CENPF: variants seen among roughly 807,000 people sequenced by gnomAD.
The protein encoded by CENPF is centromere protein F.
A neutral mutation model predicts 307.3 loss-of-function variants in CENPF; 214 were observed. The ratio of observed to expected loss-of-function variants is 0.70; its 90% CI spans 0.62 to 0.78. The LOEUF (loss-of-function observed/expected upper bound fraction) is 0.78. CENPF is among the 30% of genes least tolerant of loss of function. The probability of loss-of-function intolerance (pLI) is 0.00; values close to 1 mark genes in which losing one functional copy is unlikely to be tolerated. For synonymous variants in CENPF, 1,259 were observed against 1,270.6 expected (o/e 0.99, Z 0.19); for missense variants, 3,401 against 3,483.9 (o/e 0.98, Z 0.60).
At chr1:214,629,353 ATCTT>A (rs945658810) in intron 8 of CENPF, among the ~76,000 whole-genome samples, 182 bp downstream of exon 8, 7 of 152,098 alleles carry the variant, frequency 4.6e-5, no homozygotes, top group African/African-American at 1.7e-4. Flanking sequence ...CTTTTTTTAA[ATCTT>A]TCAGTTTTTG....
Position 214,641,434 on chromosome 1 carries a change from C to T in CENPF, c.3096C>T (p.Thr1032=), listed in dbSNP as rs769248739. ...TTTTACTACAAAGATGTGAAGAAACCGGAAATGCATATGAGGATCTTAGTC... is the reference window on the plus strand; with the variant it reads ...TTTTACTACAAAGATGTGAAGAAACTGGAAATGCATATGAGGATCTTAGTC... ...KLILLQRCEE[T]GNAYEDLSQK... Residue 1032 remains threonine, a synonymous_variant, in exon 12 of 20, where the codon ACC becomes ACT. Coordinates refer to ENST00000366955, the MANE Select transcript of CENPF (RefSeq NM_016343.4). 42 of 1,561,990 alleles carry T rather than the reference C, an allele frequency of 2.7e-5. No homozygotes were observed. Among genetic ancestry groups the T allele is most frequent in the African/African-American group, 5.6e-5 (4 of 71,980 alleles).
At chr1:214,632,414 G>GA in intron 9 of CENPF, 66 bp from the exon 10 acceptor site, 2 of 1,545,512 alleles carry the variant, frequency 1.3e-6, no homozygotes, top group Middle Eastern at 1.7e-4. Context: ...TATTGTTTAA[G>GA]AATACATGAT....
At chr1:214,619,341 C>G in intron 5 of CENPF, 121 bp downstream of exon 5, 1 of 529,046 alleles carries the variant, frequency 1.9e-6, no homozygotes. Context: ...TGTGTGTGTG[C>G]TGAGAAAAGG....
intron 19 of CENPF, among the ~76,000 whole-genome samples, chr1:214,661,437 G>T (rs1329986162): frequency 6.6e-6 from 1 of 152,198 alleles, no homozygotes; most frequent in Admixed American, 6.5e-5. Context: ...TCCCAAAGCA[G>T]TTGCTTAGAA....
At chr1:214,608,954 G>GC (rs974426415) in intron 1 of CENPF, 36 of 999,382 alleles carry the variant, frequency 3.6e-5, no homozygotes, top group Middle Eastern at 3.5e-4. Context: ...GGGGGAGGGC[G>GC]CCCCCCCAGC....
chr1:214,655,475 G>A, intron 17 of CENPF, 72 bp downstream of exon 17: 4 of 1,239,354 alleles, frequency 3.2e-6, no homozygotes, highest in Middle Eastern at 2.0e-4. Context: ...TGGTATGCGT[G>A]CATAGGAACT....
At position 214,632,464 on chromosome 1, in the gene CENPF, C is replaced by T. The variant is rs572630065; in HGVS notation, c.1324-16C>T. The T allele has an allele frequency of 1.2e-4, 197 of 1,605,290 alleles. No individual in the cohort carries two copies. Among genetic ancestry groups the T allele is most frequent in the Non-Finnish European group, 1.5e-4 (180 of 1,177,454 alleles). On this transcript the variant is annotated splice_polypyrimidine_tract_variant and intron_variant, in intron 9 of 19. Transcript: ENST00000366955. ...AGAACATGAAAATGAAACTTGGTCT[C>T]TTTTTCTTTTTGTAGCTCACATCAG...
intron 1 of CENPF, among the ~76,000 whole-genome samples, chr1:214,604,302 T>C (rs1241901313): frequency 3.3e-5 from 5 of 152,200 alleles, no homozygotes; most frequent in Admixed American, 3.3e-4. Flanking sequence ...ACAATAGTCC[T>C]GCAAGTCCTC....
At chr1:214,633,262 A>T (rs1418635905) in intron 10 of CENPF, among the ~76,000 whole-genome samples, 1 of 152,192 alleles carries the variant, frequency 6.6e-6, no homozygotes, top group Non-Finnish European at 1.5e-5. Context: ...AATGGCATGG[A>T]TGCCCTGATG....
At chr1:214,609,621 G>T (rs1236806115) in intron 1 of CENPF, among the ~76,000 whole-genome samples, 2 of 152,148 alleles carry the variant, frequency 1.3e-5, no homozygotes, top group African/African-American at 2.4e-5. Context: ...GGGTACACAT[G>T]CAGGTTTGTT....
intron 10 of CENPF, among the ~76,000 whole-genome samples, chr1:214,636,752 A>G (rs1657976699): frequency 6.6e-6 from 1 of 152,206 alleles, no homozygotes; most frequent in Admixed American, 6.5e-5. Context: ...TTTAAGATTC[A>G]GAATTTTTCC....
At chr1:214,631,576 T>G (rs888470887) in intron 9 of CENPF, among the ~76,000 whole-genome samples, 3 of 152,254 alleles carry the variant, frequency 2.0e-5, no homozygotes, top group Non-Finnish European at 4.4e-5. Context: ...CTCGGCTCAC[T>G]GCAACCTCAT....
chr1:214,616,835 C>CTCTTTCTTTCTTTCTT (rs201994176), intron 3 of CENPF, among the ~76,000 whole-genome samples: 8 of 68,566 alleles, frequency 1.2e-4, no homozygotes, highest in Admixed American at 5.5e-4. Context: ...TCCTTCCTTC[C>CTCTTTCTTTCTTTCTT]TCTTTCTTTC....
chr1:214,638,132 G>A (rs1396249770), intron 11 of CENPF, 131 bp downstream of exon 11: 6 of 939,940 alleles, frequency 6.4e-6, no homozygotes, highest in Non-Finnish European at 9.1e-6. Flanking sequence ...GATGTGCGCA[G>A]TTGATGTGGA....
In CENPF at chr1:214,641,238, G is replaced by A. The variant is rs1227328323; in HGVS notation, c.2900G>A (p.Arg967Lys). The change falls in exon 12 of 20, where the codon AGG (arginine) becomes AAG (lysine). Residue 967 changes from arginine to lysine, a missense_variant. By Grantham distance (26) the Arg-to-Lys change is conservative. Coordinates refer to ENST00000366955, the MANE Select transcript of CENPF (RefSeq NM_016343.4). Reference protein sequence around the residue: ...EMSSIISLNKREIEELTQENG... With the variant: ...EMSSIISLNKKEIEELTQENG... ...AGTTCCATCATTTCTCTAAATAAAA[G>A]GGAAATTGAAGAGCTGACCCAAGAG... 1.2e-6 allele frequency: 2 copies of A among 1,602,600 alleles called. No individual in the cohort carries two copies. The highest frequency in any genetic ancestry group is 1.1e-5 in the South Asian group (1 of 88,072).
Position 214,641,971 on chromosome 1 carries a change from G to A in CENPF, c.3633G>A (p.Val1211=), listed in dbSNP as rs772098569. The part of the protein sequence containing the change: ...ISLDSYNAQL[V]QLEAMLRNKE... ...TAGATAGTTATAATGCGCAGTTGGT[G>A]CAATTAGAAGCTATGCTAAGAAATA... Residue 1211 remains valine, a synonymous_variant, in exon 12 of 20, where the codon GTG becomes GTA. Transcript: ENST00000366955. The A allele has an allele frequency of 2.5e-6, 4 of 1,604,600 alleles. No homozygotes were observed. In the Admixed American group the frequency reaches 5.2e-5, roughly 21 times the overall value.
intron 5 of CENPF, 53 bp downstream of exon 5, chr1:214,619,273 T>G: frequency 1.1e-6 from 1 of 891,606 alleles, no homozygotes; most frequent in Non-Finnish European, 1.8e-6. Flanking sequence ...AATACTTTGA[T>G]ATAGAATAGA....
chr1:214,627,507 G>C (rs945174088), intron 7 of CENPF, among the ~76,000 whole-genome samples: 1 of 151,218 alleles, frequency 6.6e-6, no homozygotes, highest in Admixed American at 6.6e-5. Flanking sequence ...CTGGGTAGCT[G>C]GGATTACAGG....
In CENPF at chr1:214,618,634, C is replaced by A. The variant is rs1308917766; in HGVS notation, c.421C>A (p.Pro141Thr). Residue 141 changes from proline (P) to threonine (T), a missense_variant, in exon 4 of 20, where the codon CCA becomes ACA. Coordinates refer to ENST00000366955, the MANE Select transcript of CENPF (RefSeq NM_016343.4). Reference protein sequence around the residue: ...AAQSADVSLNPCNTPQKIFTT... With the variant: ...AAQSADVSLNTCNTPQKIFTT... ...GCAGTCTGCAGATGTCTCTCTGAATCCATGCAATACACCACAAAAAATTTT... is the reference window on the plus strand; with the variant it reads ...GCAGTCTGCAGATGTCTCTCTGAATACATGCAATACACCACAAAAAATTTT... The A allele has an allele frequency of 1.2e-6, 2 of 1,614,036 alleles. No individual in the cohort carries two copies. The highest frequency in any genetic ancestry group is 2.2e-5 in the East Asian group (1 of 44,864).
Sources: gnomAD v4.1 joint callset for allele counts (sites outside exome capture counted in the v4.1 genomes callset) on GRCh38, gnomAD v4.1.1 for gene constraint, MANE v1.5 for transcripts, NCBI Gene and HGNC (gene_info 2026-07-23, HGNC 2026-07-21) for gene names.